Variants in CDH12 observed in about 807,000 individuals in gnomAD.
The protein encoded by CDH12 is cadherin 12.
A neutral mutation model predicts 74.1 loss-of-function variants in CDH12; 41 were observed. The ratio of observed to expected loss-of-function variants is 0.55; its 90% CI spans 0.43 to 0.72. The LOEUF (loss-of-function observed/expected upper bound fraction) is 0.72. Ranked by LOEUF, CDH12 falls within the 30% of genes least tolerant of loss-of-function variation. CDH12 has a pLI of 0.00. For synonymous variants in CDH12, 399 were observed against 355.0 expected (o/e 1.12, Z -1.39); for missense variants, 945 against 977.2 (o/e 0.97, Z 0.44).
At chr5:22,657,337 T>C (rs1046822459) in intron 1 of CDH12, among the ~76,000 whole-genome samples, 1 of 152,182 alleles carries the variant, frequency 6.6e-6, no homozygotes, top group African/African-American at 2.4e-5. Context: ...TATGTGAGTA[T>C]ATACTTAGAC....
intron 1 of CDH12, among the ~76,000 whole-genome samples, chr5:22,547,169 T>C (rs1241622610): frequency 1.3e-5 from 2 of 152,210 alleles, no homozygotes; most frequent in Non-Finnish European, 2.9e-5. Flanking sequence ...CAAACTCATG[T>C]AGCAAAACTG....
chr5:22,374,151 T>A (rs2126355399), intron 3 of CDH12, among the ~76,000 whole-genome samples: 1 of 152,120 alleles, frequency 6.6e-6, no homozygotes, highest in East Asian at 1.9e-4. Context: ...CCAAAATGGT[T>A]CACAATATAC....
intron 3 of CDH12, among the ~76,000 whole-genome samples, chr5:22,372,520 T>C (rs1421836889): frequency 6.6e-6 from 1 of 152,122 alleles, no homozygotes; most frequent in East Asian, 1.9e-4. Context: ...GGGACACTCA[T>C]GCTGAGTCAC....
At chr5:22,660,731 G>T (rs1011444089) in intron 1 of CDH12, among the ~76,000 whole-genome samples, 3 of 152,070 alleles carry the variant, frequency 2.0e-5, no homozygotes, top group African/African-American at 7.2e-5. Flanking sequence ...TTTTATTCAT[G>T]ACTTTAATTT....
chr5:22,637,599 G>T (rs534430053), intron 1 of CDH12, among the ~76,000 whole-genome samples: 1 of 152,212 alleles, frequency 6.6e-6, no homozygotes, highest in Non-Finnish European at 1.5e-5. Context: ...CGCAGATTGC[G>T]CTTCCTCTCT....
intron 4 of CDH12, among the ~76,000 whole-genome samples, chr5:22,155,100 T>C (rs1052759852): frequency 2.0e-5 from 3 of 152,142 alleles, no homozygotes; most frequent in African/African-American, 7.2e-5. Flanking sequence ...ACTGCCCTCA[T>C]ATTGAATCCA....
intron 10 of CDH12, among the ~76,000 whole-genome samples, chr5:21,796,208 T>C (rs1746770971): frequency 6.6e-6 from 1 of 152,166 alleles, no homozygotes; most frequent in African/African-American, 2.4e-5. Flanking sequence ...TACCTTGAGT[T>C]GAAAATGCAT....
chr5:22,260,415 G>A (rs1351858054), intron 3 of CDH12, among the ~76,000 whole-genome samples: 1 of 152,012 alleles, frequency 6.6e-6, no homozygotes, highest in Non-Finnish European at 1.5e-5. Context: ...AATTAATAAA[G>A]TAACTTCAGT....
intron 6 of CDH12, among the ~76,000 whole-genome samples, chr5:21,950,724 G>T (rs944014694): frequency 2.7e-5 from 4 of 148,932 alleles, no homozygotes; most frequent in Admixed American, 2.7e-4. Flanking sequence ...TGCAAGTGAG[G>T]TTATAGTAAT....
intron 1 of CDH12, among the ~76,000 whole-genome samples, chr5:22,705,128 T>C (rs866442010): frequency 1.3e-4 from 11 of 86,460 alleles, no homozygotes; most frequent in East Asian, 5.7e-4. Context: ...TATATATATA[T>C]ATACACACAC....
At chr5:22,253,997 T>C (rs552271719) in intron 3 of CDH12, among the ~76,000 whole-genome samples, 1 of 151,900 alleles carries the variant, frequency 6.6e-6, no homozygotes, top group African/African-American at 2.4e-5. Context: ...CAGTCAGAAA[T>C]TGGTAATGGA....
At chr5:22,385,196 A>C (rs2126398737) in intron 3 of CDH12, among the ~76,000 whole-genome samples, 2 of 152,346 alleles carry the variant, frequency 1.3e-5, no homozygotes, top group South Asian at 4.1e-4. Context: ...CCCAGTAAGA[A>C]AAATATATAG....
At chr5:22,483,310 C>T (rs186424768) in intron 2 of CDH12, among the ~76,000 whole-genome samples, 230 of 152,100 alleles carry the variant, frequency 1.5e-3, no homozygotes, top group African/African-American at 5.1e-3. Flanking sequence ...TTTAAACAAA[C>T]ATTGAAAACT....
At chr5:22,126,347 T>C (rs1745869457) in intron 4 of CDH12, among the ~76,000 whole-genome samples, 1 of 152,146 alleles carries the variant, frequency 6.6e-6, no homozygotes, top group Non-Finnish European at 1.5e-5. Context: ...TGCTCTGCTA[T>C]GCGGCTCACT....
chr5:22,210,367 A>C (rs1443257139), intron 4 of CDH12, among the ~76,000 whole-genome samples: 2 of 146,976 alleles, frequency 1.4e-5, no homozygotes, highest in Non-Finnish European at 3.0e-5. Context: ...GCTAAGTAAA[A>C]TAAACTGTTA....
At chr5:21,842,718 A>G (rs1038351967) in intron 7 of CDH12, among the ~76,000 whole-genome samples, 13 of 152,204 alleles carry the variant, frequency 8.5e-5, no homozygotes, top group African/African-American at 3.1e-4. Flanking sequence ...TGAAATGAGT[A>G]TGCAATTTCC....
chr5:22,517,743 T>C (rs961114237), intron 1 of CDH12, among the ~76,000 whole-genome samples: 6 of 152,224 alleles, frequency 3.9e-5, no homozygotes, highest in African/African-American at 1.4e-4. Context: ...CCTAATCTAG[T>C]CATGGTTCCA....
At chr5:21,827,729 AT>A (rs1193923249) in intron 8 of CDH12, among the ~76,000 whole-genome samples, 2 of 152,130 alleles carry the variant, frequency 1.3e-5, no homozygotes, top group East Asian at 3.9e-4. Flanking sequence ...TTACTTAATG[AT>A]TTTCAGAAAA....
chr5:22,489,675 C>G (rs140127538), intron 2 of CDH12, among the ~76,000 whole-genome samples: 1 of 150,532 alleles, frequency 6.6e-6, no homozygotes, highest in African/African-American at 2.4e-5. Context: ...CTTTGTGATG[C>G]CTTGTGCAGT....
Sources: allele counts gnomAD v4.1 joint callset (sites outside exome capture counted in the v4.1 genomes callset), GRCh38; gene constraint gnomAD v4.1.1; transcripts MANE v1.5; gene names NCBI Gene and HGNC (gene_info 2026-07-23, HGNC 2026-07-21).